The following ATAD2 variants were observed in gnomAD, a reference collection of about 807,000 sequenced individuals.
ATAD2 encodes the protein ATPase family AAA domain-containing protein 2.
ATAD2 carries 62 observed loss-of-function variants against 168.9 expected under a neutral mutation model. That is an observed-to-expected ratio of 0.37 (90% CI 0.30 to 0.45). The LOEUF (loss-of-function observed/expected upper bound fraction) is 0.45. ATAD2 is among the 20% of genes least tolerant of loss of function. The pLI, the probability that ATAD2 is intolerant of heterozygous loss-of-function variation, is 1.00. For missense variants in ATAD2, 1,419 were observed against 1,667.8 expected, an observed-to-expected ratio of 0.85 and a Z score of 2.60; for synonymous variants, 613 against 571.6, an observed-to-expected ratio of 1.07 and a Z score of -1.03.
intron 27 of ATAD2, 129 bp downstream of exon 27, chr8:123,322,809 A>G (rs1355660365): frequency 1.1e-6 from 1 of 944,666 alleles, no homozygotes; most frequent in East Asian, 2.7e-5. Flanking sequence ...TTGGAAATAG[A>G]AAGATGGTCT....
In ATAD2 at chr8:123,344,871, C is replaced by G; in HGVS notation, c.2718+13G>C. 1 of 1,612,324 alleles carries G rather than the reference C, an allele frequency of 6.2e-7. No individual in the cohort carries two copies. The highest frequency in any genetic ancestry group is 8.5e-7 in the Non-Finnish European group (1 of 1,178,492). Reference sequence around the variant, plus strand: ...TTTTTGAAAGTATAATGATACCGCCCCACATAAATTACCTCTTCTGGCAAA... The same window carrying G: ...TTTTTGAAAGTATAATGATACCGCCGCACATAAATTACCTCTTCTGGCAAA... On this transcript the variant is annotated intron_variant, in intron 19 of 27. Coordinates refer to ENST00000287394, the MANE Select transcript of ATAD2 (RefSeq NM_014109.4).
intron 19 of ATAD2, among the ~76,000 whole-genome samples, chr8:123,341,902 C>CA (rs1266226082): frequency 6.6e-6 from 1 of 152,154 alleles, no homozygotes; most frequent in African/African-American, 2.4e-5. Flanking sequence ...GCCTGGCCAA[C>CA]ATGGTGAAAC....
chr8:123,344,725 A>G (rs1828180402), intron 19 of ATAD2, 159 bp downstream of exon 19: 2 of 760,908 alleles, frequency 2.6e-6, no homozygotes, highest in East Asian at 5.4e-5. Flanking sequence ...ATCTTGCCCA[A>G]TGAGCACATA....
chr8:123,338,171 A>G (rs1428750410), intron 20 of ATAD2, among the ~76,000 whole-genome samples: 2 of 152,138 alleles, frequency 1.3e-5, no homozygotes, highest in Admixed American at 1.3e-4. Flanking sequence ...CCTGGCTAAT[A>G]CAGTGAAACC....
In ATAD2 at chr8:123,396,407, C is replaced by T. The variant is rs759552817; in HGVS notation, c.-50G>A. ...TGCGCGACCGGAGAGAGATCCAGCTCCAGGCGCTCGCAGCTCTGGCTCTTC... is the reference window on the plus strand; with the variant it reads ...TGCGCGACCGGAGAGAGATCCAGCTTCAGGCGCTCGCAGCTCTGGCTCTTC... On this transcript the variant is annotated 5_prime_UTR_variant, in exon 1 of 28. Coordinates refer to ENST00000287394, the MANE Select transcript of ATAD2 (RefSeq NM_014109.4). The T allele has an allele frequency of 1.3e-5, 19 of 1,480,784 alleles. No individual in the cohort carries two copies. Among genetic ancestry groups the T allele is most frequent in the South Asian group, 9.1e-5 (7 of 76,692 alleles). 91.7% of individuals were successfully genotyped at this position (1,480,784 alleles called of 1,614,324 possible).
intron 24 of ATAD2, among the ~76,000 whole-genome samples, chr8:123,332,973 T>G (rs1563834569): frequency 1.3e-5 from 2 of 151,988 alleles, no homozygotes; most frequent in African/African-American, 4.8e-5. Flanking sequence ...AAAGAAGGGC[T>G]TATTCTTTAT....
intron 1 of ATAD2, among the ~76,000 whole-genome samples, chr8:123,413,547 A>C (rs1318900750): frequency 3.9e-5 from 6 of 152,160 alleles, no homozygotes; most frequent in Admixed American, 3.9e-4. Flanking sequence ...TTACTTATCC[A>C]AGGTCACTCA....
chr8:123,380,642 G>A lies in ATAD2; in HGVS notation c.207C>T (p.His69=), dbSNP rs201090055. The A allele has an allele frequency of 7.4e-6, 12 of 1,613,992 alleles. No individual in the cohort carries two copies. The highest frequency in any genetic ancestry group is 1.0e-5 in the Non-Finnish European group (12 of 1,179,960). Reference sequence around the variant, plus strand: ...TCAAAGATCTTAAAGCACGTGTCCGGTGGTAGGTTTCAACTTCCTTAACTG... The same window carrying A: ...TCAAAGATCTTAAAGCACGTGTCCGATGGTAGGTTTCAACTTCCTTAACTG... The part of the protein sequence containing the change: ...GSSVKEVETY[H]RTRALRSLRK... Residue 69 remains histidine (H), a synonymous_variant, in exon 2 of 28, where the codon CAC becomes CAT. Coordinates refer to ENST00000287394, the MANE Select transcript of ATAD2 (RefSeq NM_014109.4).
In ATAD2 at chr8:123,414,389, T is replaced by C. The variant is rs888276837; in HGVS notation, c.-2282+1859A>G. 7.9e-5 allele frequency among the ~76,000 whole-genome samples: 12 copies of C among 152,196 alleles called. No individual in the cohort carries two copies. In the East Asian group the frequency reaches 2.3e-3, roughly 29 times the overall value. On this transcript the variant is annotated intron_variant, in intron 1 of 28. Transcript: ENST00000521903. ...TACCCAGCCTAGCTTCAAAGTCCTA[T>C]AGTAAGTAGTTTGTGCCCAATCAGG...
chr8:123,386,343 A>G (rs921317066), intron 1 of ATAD2, among the ~76,000 whole-genome samples: 1 of 152,202 alleles, frequency 6.6e-6, no homozygotes, highest in African/African-American at 2.4e-5. Flanking sequence ...TCTTGTTTAA[A>G]AAAGGAAATT....
intron 9 of ATAD2, among the ~76,000 whole-genome samples, chr8:123,361,012 CATAT>C (rs1324741088): frequency 6.6e-6 from 1 of 151,606 alleles, no homozygotes; most frequent in African/African-American, 2.4e-5. Context: ...CACTGTGGGC[CATAT>C]ATAATGATTT....
chr8:123,390,268 C>T (rs1265809656), intron 1 of ATAD2, among the ~76,000 whole-genome samples: 1 of 152,062 alleles, frequency 6.6e-6, no homozygotes, highest in Non-Finnish European at 1.5e-5. Context: ...CAGGCATGAG[C>T]CACTGCACCC....
At chr8:123,374,078 CTT>C (rs1563857492) in intron 2 of ATAD2, among the ~76,000 whole-genome samples, 1 of 152,034 alleles carries the variant, frequency 6.6e-6, no homozygotes, top group African/African-American at 2.4e-5. Context: ...AAAATAAAAA[CTT>C]TTGGCTGGGC....
chr8:123,400,754 C>G, upstream of ATAD2: 1 of 780,042 alleles, frequency 1.3e-6, no homozygotes, highest in Non-Finnish European at 2.3e-6. This position sits in a 1 kb window ranked among gnomAD's most constrained non-coding sequence, Gnocchi z 4.5. Flanking sequence ...TGGAAGATCA[C>G]GCTGAAGACG....
intron 1 of ATAD2, among the ~76,000 whole-genome samples, chr8:123,412,060 C>T (rs1268173753): frequency 1.3e-5 from 2 of 152,228 alleles, no homozygotes; most frequent in Non-Finnish European, 2.9e-5. Flanking sequence ...CCTCCCACTA[C>T]TCCTTTTCCC....
intron 1 of ATAD2, among the ~76,000 whole-genome samples, chr8:123,382,425 C>T (rs950380669): frequency 5.3e-5 from 8 of 152,198 alleles, no homozygotes; most frequent in Non-Finnish European, 1.0e-4. Context: ...AGAATACTTA[C>T]ACCTTGGGTG....
At chr8:123,343,559 TC>T (rs1828133029) in intron 19 of ATAD2, among the ~76,000 whole-genome samples, 1 of 152,186 alleles carries the variant, frequency 6.6e-6, no homozygotes, top group Admixed American at 6.5e-5. Flanking sequence ...GAGCTTATCT[TC>T]CTACTAGTGT....
At position 123,402,141 on chromosome 8, in the gene ATAD2, A is replaced by AC. The variant is rs1813011478; in HGVS notation, c.-2281-967dup. ...TGGAGGCCGAGGTGGTGGAGGGGGC[A>AC]CCCCCCAGTGTCCACCTTCGGGCAT... On this transcript the variant is annotated intron_variant, in intron 1 of 28. Transcript: ENST00000521903. This position sits in a 1 kb window ranked among gnomAD's most constrained non-coding sequence, Gnocchi z 4.8. The AC allele has an allele frequency of 5.2e-6, 4 of 765,586 alleles. No individual in the cohort carries two copies. The highest frequency in any genetic ancestry group is 2.9e-5 in the South Asian group (2 of 68,644). The allele number at this position is 765,586 out of a possible 1,614,324, so 47.4% of individuals were successfully genotyped here.
intron 22 of ATAD2, among the ~76,000 whole-genome samples, chr8:123,334,983 A>G (rs535760508): frequency 1.8e-4 from 28 of 152,318 alleles, no homozygotes; most frequent in Non-Finnish European, 3.5e-4. Flanking sequence ...AGTCAGGGCA[A>G]GGTCGAAGTA....
Sources: allele counts gnomAD v4.1 joint callset (sites outside exome capture counted in the v4.1 genomes callset), GRCh38; gene constraint gnomAD v4.1.1; non-coding constraint Gnocchi (gnomAD v3.1); transcripts MANE v1.5; gene names NCBI Gene and HGNC (gene_info 2026-07-23, HGNC 2026-07-21).